The following SGCZ variants were observed in gnomAD, a reference collection of about 807,000 sequenced individuals.
SGCZ encodes the protein sarcoglycan zeta, also known as zeta-sarcoglycan.
A neutral mutation model predicts 41.3 loss-of-function variants in SGCZ; 40 were observed. That is an observed-to-expected ratio of 0.97 (90% CI 0.75 to 1.26). SGCZ has a LOEUF of 1.26. SGCZ is among the 50% of genes most tolerant of loss of function. SGCZ has a pLI of 0.00. For missense variants in SGCZ, 552 were observed against 369.8 expected, an observed-to-expected ratio of 1.49 and a Z score of -4.04; for synonymous variants, 206 against 137.5, an observed-to-expected ratio of 1.50 and a Z score of -3.49.
chr8:15,042,236 C>T (rs1804126473), intron 1 of SGCZ, among the ~76,000 whole-genome samples: 1 of 152,092 alleles, frequency 6.6e-6, no homozygotes, highest in Non-Finnish European at 1.5e-5. Flanking sequence ...TTCCTGTGAT[C>T]GAACCCACCA....
chr8:15,074,644 T>A (rs1193811208), intron 1 of SGCZ, among the ~76,000 whole-genome samples: 1 of 152,152 alleles, frequency 6.6e-6, no homozygotes, highest in East Asian at 1.9e-4. Context: ...AAAATTTACC[T>A]GTCGTTTATT....
At chr8:14,682,255 T>A (rs1052283249) in intron 1 of SGCZ, among the ~76,000 whole-genome samples, 2 of 152,176 alleles carry the variant, frequency 1.3e-5, no homozygotes, top group Non-Finnish European at 2.9e-5. Flanking sequence ...AGGGTTGTAC[T>A]ATAGAAAATA....
intron 1 of SGCZ, among the ~76,000 whole-genome samples, chr8:14,743,015 T>A (rs1454081185): frequency 6.6e-6 from 1 of 152,124 alleles, no homozygotes; most frequent in African/African-American, 2.4e-5. Flanking sequence ...AATTTGCTGA[T>A]CACCACTTCA....
At chr8:15,093,430 A>C (rs951558731) in intron 1 of SGCZ, among the ~76,000 whole-genome samples, 3 of 152,124 alleles carry the variant, frequency 2.0e-5, no homozygotes, top group African/African-American at 7.2e-5. Context: ...TTCAATATTC[A>C]TATTTTTGTA....
chr8:14,839,265 C>T lies in SGCZ; in HGVS notation c.40-284339G>A, dbSNP rs143766725. ...AGAAAGAGAGAGAAAAAAATATGAA[C>T]GATCACTCAAAGTGTTTACGCAATG... On this transcript the variant is annotated intron_variant, in intron 1 of 7. Coordinates refer to ENST00000382080, the MANE Select transcript of SGCZ (RefSeq NM_139167.4). Among the ~76,000 whole-genome samples the T allele has an allele frequency of 9.5e-3, 1,442 of 152,046 alleles. 12 individuals are homozygous for T. Among genetic ancestry groups the T allele is most frequent in the Middle Eastern group, 0.02 (6 of 294 alleles).
chr8:15,222,919 A>G (rs1801652286), intron 1 of SGCZ, among the ~76,000 whole-genome samples: 1 of 152,200 alleles, frequency 6.6e-6, no homozygotes, highest in African/African-American at 2.4e-5. Flanking sequence ...AATTGCCAAC[A>G]TTCAATTTTA....
intron 1 of SGCZ, among the ~76,000 whole-genome samples, chr8:15,004,126 G>A (rs929820759): frequency 2.0e-5 from 3 of 152,108 alleles, no homozygotes; most frequent in Non-Finnish European, 2.9e-5. Context: ...AAGACCCCCA[G>A]TAATCGCTCA....
At chr8:14,661,722 G>A (rs1046817069) in intron 1 of SGCZ, among the ~76,000 whole-genome samples, 5 of 152,054 alleles carry the variant, frequency 3.3e-5, no homozygotes, top group Non-Finnish European at 7.4e-5. Flanking sequence ...GATCAAAAAG[G>A]AGAGTAGAGT....
chr8:15,156,898 A>C (rs56052534), intron 1 of SGCZ, among the ~76,000 whole-genome samples: 36,581 of 150,428 alleles, frequency 0.24, 4,825 homozygotes, highest in East Asian at 0.54. Flanking sequence ...TAAGCCGAGC[A>C]TGCAGCATCG....
chr8:14,128,202 G>A (rs115318664), intron 5 of SGCZ, among the ~76,000 whole-genome samples: 2,191 of 152,190 alleles, frequency 0.014, 43 homozygotes, highest in African/African-American at 0.05. Context: ...TAAAAAATGG[G>A]CAAATGACAT....
intron 2 of SGCZ, among the ~76,000 whole-genome samples, chr8:14,330,036 G>T (rs2117048555): frequency 6.6e-6 from 1 of 152,132 alleles, no homozygotes; most frequent in African/African-American, 2.4e-5. Flanking sequence ...GTATTCCAAA[G>T]AATTACCTGT....
chr8:15,097,943 C>G (rs1312821496), intron 1 of SGCZ, among the ~76,000 whole-genome samples: 1 of 142,696 alleles, frequency 7.0e-6, no homozygotes, highest in Non-Finnish European at 1.5e-5. Flanking sequence ...CATACATACA[C>G]CATTGCTAGA....
chr8:15,160,574 C>A (rs1416171572), intron 1 of SGCZ, among the ~76,000 whole-genome samples: 1 of 152,166 alleles, frequency 6.6e-6, no homozygotes, highest in Non-Finnish European at 1.5e-5. Flanking sequence ...TTTATATATT[C>A]AACATTTTTT....
At chr8:14,302,569 C>T (rs10089267) in intron 3 of SGCZ, among the ~76,000 whole-genome samples, 104,227 of 151,958 alleles carry the variant, frequency 0.69, 36,030 homozygotes, top group Admixed American at 0.72. Flanking sequence ...GCCATTTACT[C>T]AGAGAGCTTT....
At chr8:15,022,429 C>T (rs569845501) in intron 1 of SGCZ, among the ~76,000 whole-genome samples, 19 of 152,028 alleles carry the variant, frequency 1.2e-4, no homozygotes, top group Middle Eastern at 3.2e-3. Flanking sequence ...CTGGAACCTC[C>T]GCCTCCTGGG....
chr8:15,110,190 T>C (rs1372821355), intron 1 of SGCZ, among the ~76,000 whole-genome samples: 1 of 152,178 alleles, frequency 6.6e-6, no homozygotes, highest in Non-Finnish European at 1.5e-5. Context: ...ATTCCTGTTA[T>C]TTCTGTCTTT....
intron 2 of SGCZ, among the ~76,000 whole-genome samples, chr8:14,496,367 C>A (rs1041689449): frequency 6.6e-6 from 1 of 152,104 alleles, no homozygotes; most frequent in Non-Finnish European, 1.5e-5. Context: ...ACATGCCTGG[C>A]CTCCTCTAGC....
intron 2 of SGCZ, among the ~76,000 whole-genome samples, chr8:14,477,496 C>A (rs977179908): frequency 1.3e-5 from 2 of 151,882 alleles, no homozygotes; most frequent in African/African-American, 2.4e-5. Context: ...GTAGAAATAC[C>A]ACAATTGTCT....
intron 1 of SGCZ, among the ~76,000 whole-genome samples, chr8:14,771,686 T>C (rs988070892): frequency 9.9e-5 from 15 of 152,208 alleles, no homozygotes; most frequent in African/African-American, 3.4e-4. Flanking sequence ...ATCAAATACA[T>C]TTGGGAAGCA....
Sources: allele counts gnomAD v4.1 joint callset (sites outside exome capture counted in the v4.1 genomes callset), GRCh38; gene constraint gnomAD v4.1.1; transcripts MANE v1.5; gene names NCBI Gene and HGNC (gene_info 2026-07-23, HGNC 2026-07-21).